Variants in PPP6R3 observed in about 807,000 individuals in gnomAD.
PPP6R3 encodes serine/threonine-protein phosphatase 6 regulatory subunit 3.
Under a neutral mutation model 110.7 loss-of-function variants are expected in PPP6R3, and 38 were observed. The ratio of observed to expected loss-of-function variants is 0.34; its 90% CI spans 0.26 to 0.45. The LOEUF (loss-of-function observed/expected upper bound fraction) is 0.45. Ranked by LOEUF, PPP6R3 falls within the 20% of genes least tolerant of loss-of-function variation. PPP6R3 has a pLI of 1.00. For synonymous variants in PPP6R3, 369 were observed against 373.5 expected, an observed-to-expected ratio of 0.99 and a Z score of 0.14; for missense variants, 870 against 1,062.4, an observed-to-expected ratio of 0.82 and a Z score of 2.52.
chr11:68,567,241 T>TA, intron 10 of PPP6R3, 75 bp downstream of exon 10: 8 of 1,367,842 alleles, frequency 5.8e-6, no homozygotes, highest in Non-Finnish European at 7.8e-6. Flanking sequence ...GTTACAACCT[T>TA]ACAAATTTAC....
intron 2 of PPP6R3, among the ~76,000 whole-genome samples, chr11:68,532,894 G>A (rs1362124185): frequency 6.6e-6 from 1 of 152,222 alleles, no homozygotes; most frequent in African/African-American, 2.4e-5. Context: ...GTATAGGTTT[G>A]TGTAAGTCAC....
intron 7 of PPP6R3, among the ~76,000 whole-genome samples, chr11:68,556,906 G>C (rs2099401745): frequency 6.6e-6 from 1 of 152,224 alleles, no homozygotes; most frequent in Non-Finnish European, 1.5e-5. Flanking sequence ...TTGTCCATTA[G>C]TAGAATTCTT....
intron 17 of PPP6R3, 144 bp downstream of exon 17, chr11:68,590,858 G>A (rs964935813): frequency 5.1e-6 from 5 of 983,262 alleles, no homozygotes; most frequent in African/African-American, 5.0e-5. Flanking sequence ...TCTGTCCCAC[G>A]GCCTACCTGG....
chr11:68,509,744 A>ATT (rs59022544), intron 1 of PPP6R3, among the ~76,000 whole-genome samples: 31,317 of 101,960 alleles, frequency 0.31, 5,956 homozygotes, highest in East Asian at 0.43. Context: ...CATGTGGCTA[A>ATT]TTTTTTTTTT....
intron 7 of PPP6R3, among the ~76,000 whole-genome samples, chr11:68,555,196 A>G (rs2099394645): frequency 6.6e-6 from 1 of 152,176 alleles, no homozygotes; most frequent in Non-Finnish European, 1.5e-5. Context: ...TTCTGAGTAA[A>G]ATGGCATCTT....
intron 1 of PPP6R3, among the ~76,000 whole-genome samples, chr11:68,484,043 C>G (rs2098931476): frequency 6.6e-6 from 1 of 152,208 alleles, no homozygotes; most frequent in South Asian, 2.1e-4. Flanking sequence ...CTTTTCATGG[C>G]TTGATAGCTC....
At chr11:68,460,863 G>C (rs1423790985) in intron 1 of PPP6R3, 36 bp downstream of exon 1, 2 of 152,230 alleles carry the variant, frequency 1.3e-5, no homozygotes, top group Admixed American at 1.3e-4. Flanking sequence ...AGCAGGCCGC[G>C]GCGCGGGGTG....
intron 1 of PPP6R3, among the ~76,000 whole-genome samples, chr11:68,477,425 T>G (rs908777421): frequency 6.6e-6 from 1 of 151,892 alleles, no homozygotes; most frequent in African/African-American, 2.4e-5. Flanking sequence ...TATCAGGGTA[T>G]TAAATTCATT....
At chr11:68,531,307 T>TTTGATTTATTTA (rs143892274) in intron 2 of PPP6R3, among the ~76,000 whole-genome samples, 27 of 137,012 alleles carry the variant, frequency 2.0e-4, no homozygotes, top group African/African-American at 6.2e-4. Context: ...TGAGACTGTG[T>TTTGATTTATTTA]TTTATTTATT....
chr11:68,583,171 A>T (rs754083004), intron 15 of PPP6R3, 42 bp downstream of exon 15: 22 of 1,414,978 alleles, frequency 1.6e-5, no homozygotes, highest in Non-Finnish European at 2.1e-5. Flanking sequence ...TTTATTTTAA[A>T]TGCTTAGTTT....
intron 1 of PPP6R3, among the ~76,000 whole-genome samples, chr11:68,463,960 T>C (rs1168455282): frequency 6.6e-6 from 1 of 152,170 alleles, no homozygotes; most frequent in Non-Finnish European, 1.5e-5. Flanking sequence ...GCCTCCTCCC[T>C]GCCCGCCAGC....
chr11:68,509,773 G>A (rs1273493924), intron 1 of PPP6R3, among the ~76,000 whole-genome samples: 2 of 123,234 alleles, frequency 1.6e-5, no homozygotes, highest in Non-Finnish European at 3.3e-5. Flanking sequence ...TTTTGAGACG[G>A]AGCTTCGCTC....
intron 1 of PPP6R3, among the ~76,000 whole-genome samples, chr11:68,471,785 C>T (rs1334690055): frequency 6.6e-6 from 1 of 152,108 alleles, no homozygotes; most frequent in African/African-American, 2.4e-5. Context: ...GCTGGAGCCA[C>T]ATTCTTGGGA....
intron 1 of PPP6R3, among the ~76,000 whole-genome samples, chr11:68,517,780 A>G (rs113104149): frequency 0.067 from 10,149 of 152,176 alleles, 463 homozygotes; most frequent in Non-Finnish European, 0.1. Context: ...TCTACAAAAA[A>G]TATAAAAATT....
In PPP6R3 at chr11:68,613,835, A is replaced by AAATG; in HGVS notation, c.*720_*723dup. ...GTTCTGTTCAAGTCTTGTTTGCTTG[A>AAATG]AATGATTATTCCTACAAGTGAAACA... is the stretch of plus-strand genomic sequence containing the variant. On this transcript the variant is annotated 3_prime_UTR_variant, in exon 24 of 24. Transcript: ENST00000393800. The AAATG allele has an allele frequency of 1.0e-6, 1 of 985,652 alleles. No homozygotes were observed. Among genetic ancestry groups the AAATG allele is most frequent in the African/African-American group, 1.7e-5 (1 of 57,300 alleles). 61.1% of individuals were successfully genotyped at this position (985,652 alleles called of 1,614,324 possible).
At chr11:68,473,838 G>A (rs1163180234) in intron 1 of PPP6R3, among the ~76,000 whole-genome samples, 2 of 150,644 alleles carry the variant, frequency 1.3e-5, no homozygotes, top group Non-Finnish European at 2.9e-5. Flanking sequence ...CTTTTTGGCT[G>A]TTGTGAGTAA....
Position 68,567,148 on chromosome 11 carries a change from T to G in PPP6R3, c.1110T>G (p.Asn370Lys), listed in dbSNP as rs772874803. ...SSINGDLMEL[N>K]SIGVILNMFF... ...TAAATGGGGACCTTATGGAGCTGAA[T>G]AGCATTGGAGTCATATTGGTGAGAT... Residue 370 changes from asparagine to lysine, a missense_variant, in exon 10 of 24, where the codon AAT (asparagine) becomes AAG (lysine). Asn to Lys is a moderately conservative substitution (Grantham distance 94). Coordinates refer to ENST00000393800, the MANE Select transcript of PPP6R3 (RefSeq NM_001164161.2). The G allele has an allele frequency of 1.2e-4, 191 of 1,549,196 alleles. No individual in the cohort carries two copies. Among genetic ancestry groups the G allele is most frequent in the Non-Finnish European group, 1.6e-4 (184 of 1,146,266 alleles).
intron 15 of PPP6R3, chr11:68,586,648 C>CAT (rs1258050256): frequency 6.6e-6 from 1 of 152,120 alleles, no homozygotes; most frequent in Non-Finnish European, 1.5e-5. Flanking sequence ...TCTGTCTAGT[C>CAT]AAACTAGACA....
chr11:68,579,413 CTG>C (rs1379387684), intron 14 of PPP6R3, among the ~76,000 whole-genome samples: 8 of 152,226 alleles, frequency 5.3e-5, no homozygotes, highest in Non-Finnish European at 1.0e-4. Flanking sequence ...ATCTCCGAAA[CTG>C]TGTGCACTAC....
Sources: gnomAD v4.1 joint callset for allele counts (sites outside exome capture counted in the v4.1 genomes callset) on GRCh38, gnomAD v4.1.1 for gene constraint, MANE v1.5 for transcripts, NCBI Gene and HGNC (gene_info 2026-07-23, HGNC 2026-07-21) for gene names.